Variants in IPMK observed in about 807,000 individuals in gnomAD.
IPMK encodes inositol 1,3,4,6-tetrakisphosphate 5-kinase.
IPMK carries 17 observed loss-of-function variants against 45.8 expected under a neutral mutation model. The ratio of observed to expected loss-of-function variants is 0.37; its 90% CI spans 0.25 to 0.56. The LOEUF is 0.56. Ranked by LOEUF, IPMK falls within the 20% of genes least tolerant of loss-of-function variation. IPMK has a pLI of 0.79. For synonymous variants in IPMK, 180 were observed against 184.3 expected (o/e 0.98, Z 0.19); for missense variants, 399 against 498.0 (o/e 0.80, Z 1.89).
In IPMK at chr10:58,196,069, A is replaced by G; in HGVS notation, c.*7T>C. 1 of 1,606,322 alleles carries G rather than the reference A, an allele frequency of 6.2e-7. No individual in the cohort carries two copies. Among genetic ancestry groups the G allele is most frequent in the Non-Finnish European group, 8.5e-7 (1 of 1,174,970 alleles). On this transcript the variant is annotated 3_prime_UTR_variant, in exon 6 of 6. Transcript: ENST00000373935. ...GCCCACCCCTTAAAAAGACTGCAAC[A>G]GAGGATTCAATTGTCTAAAATACTT...
chr10:58,242,147 G>A (rs1159930017), intron 1 of IPMK, among the ~76,000 whole-genome samples: 1 of 152,082 alleles, frequency 6.6e-6, no homozygotes, highest in African/African-American at 2.4e-5. Context: ...AAATGACAGT[G>A]ATGTTAAAAT....
chr10:58,267,310 G>A lies in IPMK; in HGVS notation c.190+112C>T, dbSNP rs189471495. 4.4e-4 allele frequency: 448 copies of A among 1,012,920 alleles called. 1 individual carries two copies. The highest frequency in any genetic ancestry group is 6.2e-4 in the Non-Finnish European group (415 of 664,062). The allele number at this position is 1,012,920 out of a possible 1,614,324, so 62.7% of individuals were successfully genotyped here. A position where few individuals can be genotyped will look rare whatever the true frequency, so the allele number is the denominator to read the frequency against. ...CAGCGGAAGAGGCCAGGGATTTGGC[G>A]TGCACACCAGGGGGGCGTCCAGGCA... On this transcript the variant is annotated intron_variant, in intron 1 of 5. Coordinates refer to ENST00000373935, the MANE Select transcript of IPMK (RefSeq NM_152230.5).
chr10:58,191,862 C>T lies in IPMK; in HGVS notation c.*4214G>A, dbSNP rs187704580. The T allele has an allele frequency of 1.4e-3, 215 of 152,138 alleles. No homozygotes were observed. The highest frequency in any genetic ancestry group is 5.1e-3 in the African/African-American group (210 of 41,544). 9.4% of individuals were successfully genotyped at this position (152,138 alleles called of 1,614,324 possible). The stretch of plus-strand genomic sequence containing the variant: ...CTTTCATAAATCTTCCAGTACAGTT[C>T]CCATAGTAAAGTGTCTTTGTGCACG... On this transcript the variant is annotated 3_prime_UTR_variant, in exon 6 of 6. Transcript: ENST00000373935.
In IPMK at chr10:58,194,290, T is replaced by C. The variant is rs1486110289; in HGVS notation, c.*1786A>G. ...TATCCAAATAACAACAAAATCCATA[T>C]TGTAAAAGAAAAAAGTAAAACTAAA... On this transcript the variant is annotated 3_prime_UTR_variant, in exon 6 of 6. Coordinates refer to ENST00000373935, the MANE Select transcript of IPMK (RefSeq NM_152230.5). The C allele has an allele frequency of 4.6e-5, 7 of 151,790 alleles. No homozygotes were observed. The highest frequency in any genetic ancestry group is 4.1e-4 in the South Asian group (2 of 4,830). 9.4% of individuals were successfully genotyped at this position (151,790 alleles called of 1,614,324 possible). A position where few individuals can be genotyped will look rare whatever the true frequency, so the allele number is the denominator to read the frequency against.
intron 2 of IPMK, among the ~76,000 whole-genome samples, chr10:58,233,901 T>C (rs1838566677): frequency 1.3e-5 from 2 of 152,318 alleles, no homozygotes; most frequent in African/African-American, 2.4e-5. Context: ...GATGACATGA[T>C]TGTATATTTA....
At chr10:58,243,245 G>T (rs962325711) in intron 1 of IPMK, among the ~76,000 whole-genome samples, 1 of 152,118 alleles carries the variant, frequency 6.6e-6, no homozygotes, top group Non-Finnish European at 1.5e-5. Context: ...TAAAAAAAAA[G>T]GGGTATAGGC....
intron 1 of IPMK, among the ~76,000 whole-genome samples, chr10:58,238,481 T>A (rs1035172068): frequency 6.6e-6 from 1 of 152,242 alleles, no homozygotes; most frequent in African/African-American, 2.4e-5. Context: ...CCTACCCCTA[T>A]GCCATGAAGA....
At chr10:58,229,611 A>T (rs1434030370) in intron 2 of IPMK, among the ~76,000 whole-genome samples, 2 of 151,816 alleles carry the variant, frequency 1.3e-5, no homozygotes. Flanking sequence ...TATCACATTA[A>T]CAAATAAAAT....
chr10:58,262,951 A>C (rs1416459042), intron 1 of IPMK, among the ~76,000 whole-genome samples: 1 of 152,224 alleles, frequency 6.6e-6, no homozygotes, highest in Non-Finnish European at 1.5e-5. Flanking sequence ...ACAATTTTGT[A>C]ACTATCAGAA....
chr10:58,267,493 A>G lies in IPMK; in HGVS notation c.119T>C (p.Leu40Pro), dbSNP rs553954689. The G allele has an allele frequency of 2.5e-6, 4 of 1,613,558 alleles. No homozygotes were observed. The highest frequency in any genetic ancestry group is 2.2e-5 in the East Asian group (1 of 44,856). ...EGTPQPAGGR[L>P]RFLNGCVPLS... ...GGGCACGCAGCCGTTGAGGAAGCGG[A>G]GTCTGCCGCCCGCCGGCTGCGGGGT... The change falls in exon 1 of 6, where the codon CTC (leucine) becomes CCC (proline). Residue 40 changes from leucine to proline, a missense_variant. Physicochemically the swap from Leu to Pro is moderately conservative, Grantham distance 98. Around this residue, in one of 2 missense-constraint regions of IPMK, gnomAD observed 111 missense variants for 99.9 expected, o/e 1.11. Coordinates refer to ENST00000373935, the MANE Select transcript of IPMK (RefSeq NM_152230.5).
At chr10:58,262,718 T>C (rs1310303212) in intron 1 of IPMK, among the ~76,000 whole-genome samples, 1 of 152,184 alleles carries the variant, frequency 6.6e-6, no homozygotes, top group Non-Finnish European at 1.5e-5. Context: ...TTGGGACCAT[T>C]TGAGCAACAA....
rs143748455 is a variant in IPMK at position 58,260,274 on chromosome 10, GAAGA to G, written c.190+7144_190+7147del. Among the ~76,000 whole-genome samples, 554 of 152,274 alleles carry G rather than the reference GAAGA, an allele frequency of 3.6e-3. 6 individuals are homozygous for G. The highest frequency in any genetic ancestry group is 0.012 in the African/African-American group (517 of 41,556). On this transcript the variant is annotated intron_variant, in intron 1 of 5. Transcript: ENST00000373935. ...TCCATGGTTATGAAAGATACAGAAA[GAAGA>G]AAGAAGTGCTCCCGATAACAGGAAA...
chr10:58,254,543 T>C (rs1039331741), intron 1 of IPMK, among the ~76,000 whole-genome samples: 2 of 152,176 alleles, frequency 1.3e-5, no homozygotes, highest in African/African-American at 2.4e-5. Flanking sequence ...GATCTTCAAT[T>C]CTTCTAGTTC....
At chr10:58,263,641 G>A (rs528178121) in intron 1 of IPMK, among the ~76,000 whole-genome samples, 8 of 152,148 alleles carry the variant, frequency 5.3e-5, no homozygotes, top group African/African-American at 1.4e-4. Context: ...ACTACATCAC[G>A]CCACTGCACT....
chr10:58,244,868 C>A (rs1362260645), intron 1 of IPMK, among the ~76,000 whole-genome samples: 1 of 152,044 alleles, frequency 6.6e-6, no homozygotes, highest in Non-Finnish European at 1.5e-5. Flanking sequence ...GTCATCACCA[C>A]TCCCTAATCT....
At chr10:58,207,229 T>A (rs1297422048) in intron 4 of IPMK, among the ~76,000 whole-genome samples, 7 of 152,214 alleles carry the variant, frequency 4.6e-5, no homozygotes, top group Admixed American at 4.6e-4. Context: ...GGTCTCGATC[T>A]CCTGACCTTG....
intron 4 of IPMK, among the ~76,000 whole-genome samples, chr10:58,201,615 CAATT>C (rs755212032): frequency 1.4e-4 from 21 of 152,168 alleles, no homozygotes; most frequent in East Asian, 5.8e-4. Flanking sequence ...AGTAACCCTC[CAATT>C]AATTAATTAA....
chr10:58,245,483 A>G (rs1384254953), intron 1 of IPMK, among the ~76,000 whole-genome samples: 1 of 151,864 alleles, frequency 6.6e-6, no homozygotes, highest in Non-Finnish European at 1.5e-5. Flanking sequence ...GTGGTACCAC[A>G]TGCCTGTAAT....
intron 2 of IPMK, among the ~76,000 whole-genome samples, chr10:58,235,229 T>G (rs1838592402): frequency 6.6e-6 from 1 of 152,128 alleles, no homozygotes; most frequent in African/African-American, 2.4e-5. Context: ...GGAGTGTAAA[T>G]TAGTTCAACC....
Sources: gnomAD v4.1 joint callset for allele counts (sites outside exome capture counted in the v4.1 genomes callset) on GRCh38, gnomAD v4.1.1 for gene constraint, gnomAD v4.1.1 regional missense constraint, MANE v1.5 for transcripts, NCBI Gene and HGNC (gene_info 2026-07-23, HGNC 2026-07-21) for gene names.